WDR70: variants seen among roughly 807,000 people sequenced by gnomAD.
The protein encoded by WDR70 is WD repeat-containing protein 70.
A neutral mutation model predicts 88.6 loss-of-function variants in WDR70; 53 were observed. The observed-to-expected ratio is 0.60, with a 90% CI of 0.48 to 0.75. The LOEUF is 0.75. Ranked by LOEUF, WDR70 falls within the 30% of genes least tolerant of loss-of-function variation. The pLI, the probability that WDR70 is intolerant of heterozygous loss-of-function variation, is 0.00. For synonymous variants in WDR70, 280 were observed against 270.0 expected (o/e 1.04, Z -0.36); for missense variants, 610 against 823.2 (o/e 0.74, Z 3.17).
intron 9 of WDR70, among the ~76,000 whole-genome samples, chr5:37,593,760 C>T (rs970649431): frequency 2.6e-5 from 4 of 152,134 alleles, no homozygotes; most frequent in African/African-American, 9.7e-5. Context: ...GTTTACGGTC[C>T]CACCAACAGT....
intron 7 of WDR70, among the ~76,000 whole-genome samples, chr5:37,471,476 C>T (rs1739323498): frequency 6.6e-6 from 1 of 150,550 alleles, no homozygotes; most frequent in Admixed American, 6.6e-5. Context: ...TTTTAAATAC[C>T]ATTTAATAGA....
intron 5 of WDR70, among the ~76,000 whole-genome samples, chr5:37,434,882 A>G (rs1348905378): frequency 6.6e-6 from 1 of 152,248 alleles, no homozygotes; most frequent in African/African-American, 2.4e-5. Flanking sequence ...AAATCTTGAA[A>G]ATATTTTACT....
intron 9 of WDR70, among the ~76,000 whole-genome samples, chr5:37,591,542 C>A (rs950604759): frequency 6.6e-6 from 1 of 152,156 alleles, no homozygotes; most frequent in African/African-American, 2.4e-5. Context: ...GTGTAAAAGA[C>A]TGGATGTGTA....
chr5:37,612,170 G>A (rs1405290980), intron 10 of WDR70, among the ~76,000 whole-genome samples: 1 of 152,120 alleles, frequency 6.6e-6, no homozygotes, highest in Non-Finnish European at 1.5e-5. Flanking sequence ...AAATGATTTA[G>A]AGAATGTTTC....
intron 9 of WDR70, among the ~76,000 whole-genome samples, chr5:37,585,939 A>G (rs1743352191): frequency 1.3e-5 from 2 of 151,850 alleles, no homozygotes; most frequent in Admixed American, 1.3e-4. Flanking sequence ...ATATGTGTGC[A>G]CCTCCTCCCA....
chr5:37,525,798 G>A lies in WDR70; in HGVS notation c.917+9208G>A, dbSNP rs189653485. ...GATGCAATACAAAAATGATAAAGGGGATATCACCACCGATCTCACAGAAAT... is the reference window on the plus strand; with the variant it reads ...GATGCAATACAAAAATGATAAAGGGAATATCACCACCGATCTCACAGAAAT... On this transcript the variant is annotated intron_variant, in intron 9 of 17. Transcript: ENST00000265107. Among the ~76,000 whole-genome samples, 5 of 152,154 alleles carry A rather than the reference G, an allele frequency of 3.3e-5. No individual in the cohort carries two copies. In the East Asian group the frequency reaches 5.8e-4, roughly 18 times the overall value.
At chr5:37,470,648 G>A (rs1313271275) in intron 7 of WDR70, among the ~76,000 whole-genome samples, 1 of 152,156 alleles carries the variant, frequency 6.6e-6, no homozygotes, top group African/African-American at 2.4e-5. Context: ...ATGGTTTATA[G>A]CAGAAATTTG....
At chr5:37,743,231 G>A (rs1157546202) in intron 17 of WDR70, among the ~76,000 whole-genome samples, 1 of 152,188 alleles carries the variant, frequency 6.6e-6, no homozygotes, top group Non-Finnish European at 1.5e-5. Context: ...GCTAAGGGAG[G>A]CGGTGAGTGA....
At chr5:37,533,793 C>T (rs931107822) in intron 9 of WDR70, among the ~76,000 whole-genome samples, 12 of 152,082 alleles carry the variant, frequency 7.9e-5, no homozygotes, top group Admixed American at 3.3e-4. Flanking sequence ...GGGGGAAAGC[C>T]TGCAGTCACA....
At chr5:37,427,357 C>T (rs1241051390) in intron 5 of WDR70, among the ~76,000 whole-genome samples, 4 of 151,202 alleles carry the variant, frequency 2.6e-5, no homozygotes, top group Non-Finnish European at 5.9e-5. Flanking sequence ...CCACTGCAGT[C>T]CGGCCTGGGC....
chr5:37,414,144 CAAAAAAAAAA>C (rs59026349), intron 5 of WDR70, among the ~76,000 whole-genome samples: 8 of 94,090 alleles, frequency 8.5e-5, no homozygotes, highest in African/African-American at 2.9e-4. Context: ...AACTCTGTCT[CAAAAAAAAAA>C]AAAAAAAAAG....
chr5:37,597,145 T>C (rs1743727342), intron 9 of WDR70, among the ~76,000 whole-genome samples: 1 of 152,230 alleles, frequency 6.6e-6, no homozygotes, highest in Admixed American at 6.5e-5. Flanking sequence ...TGAACAAAGC[T>C]GCTGTAATTA....
intron 9 of WDR70, among the ~76,000 whole-genome samples, chr5:37,531,798 G>A (rs1741496573): frequency 6.7e-6 from 1 of 149,604 alleles, no homozygotes; most frequent in South Asian, 2.2e-4. Context: ...TATTCATTGT[G>A]CTATTTGTTG....
chr5:37,676,376 A>T (rs559721385), intron 10 of WDR70, among the ~76,000 whole-genome samples: 1 of 152,116 alleles, frequency 6.6e-6, no homozygotes, highest in African/African-American at 2.4e-5. Context: ...TGGGTTTGTC[A>T]TAGATAGCTC....
chr5:37,430,997 G>T, intron 5 of WDR70, among the ~76,000 whole-genome samples: 1 of 152,094 alleles, frequency 6.6e-6, no homozygotes, highest in East Asian at 1.9e-4. Flanking sequence ...GGGACTACAG[G>T]CTTGTGCCAC....
chr5:37,667,140 A>T (rs188672347), intron 10 of WDR70, among the ~76,000 whole-genome samples: 45 of 152,266 alleles, frequency 3.0e-4, no homozygotes, highest in South Asian at 1.2e-3. Context: ...TTTTTGAGAA[A>T]TCTAAAATAA....
At chr5:37,564,497 G>A (rs1742672829) in intron 9 of WDR70, among the ~76,000 whole-genome samples, 1 of 152,030 alleles carries the variant, frequency 6.6e-6, no homozygotes, top group Admixed American at 6.5e-5. Context: ...GCTTTGGGTC[G>A]GCATCAGGGG....
rs59041886 is a variant in WDR70 at position 37,510,086 on chromosome 5, C to CA, written c.841-6419dup. On this transcript the variant is annotated intron_variant, in intron 8 of 17. Coordinates refer to ENST00000265107, the MANE Select transcript of WDR70 (RefSeq NM_018034.4). The stretch of plus-strand genomic sequence containing the variant: ...ATCTGTAAACAAACACTCCCCCCCC[C>CA]AAAAAAAAACTTAATAAAATTATTT... Among the ~76,000 whole-genome samples the CA allele has an allele frequency of 3.4e-3, 502 of 148,164 alleles. 9 individuals carry two copies. Among genetic ancestry groups the CA allele is most frequent in the African/African-American group, 0.012 (468 of 40,348 alleles).
At chr5:37,401,396 A>T (rs1175802295) in intron 5 of WDR70, among the ~76,000 whole-genome samples, 2 of 147,160 alleles carry the variant, frequency 1.4e-5, no homozygotes, top group African/African-American at 5.0e-5. Flanking sequence ...GCTCACTGCA[A>T]CCTCCGCCTC....
Sources: allele counts gnomAD v4.1 joint callset (sites outside exome capture counted in the v4.1 genomes callset), GRCh38; gene constraint gnomAD v4.1.1; transcripts MANE v1.5; gene names NCBI Gene and HGNC (gene_info 2026-07-23, HGNC 2026-07-21).